SKI: variants seen among roughly 807,000 people sequenced by gnomAD.
SKI encodes ski oncogene.
SKI carries 23 observed loss-of-function variants against 59.3 expected under a neutral mutation model. That is an observed-to-expected ratio of 0.39 (90% CI 0.28 to 0.55). SKI has a LOEUF of 0.55. Ranked by LOEUF, SKI falls within the 20% of genes least tolerant of loss-of-function variation. The pLI is 0.67. For synonymous variants in SKI, 673 were observed against 488.6 expected (o/e 1.38, Z -4.98); for missense variants, 1,017 against 1,038.9 (o/e 0.98, Z 0.29).
At chr1:2,248,558 G>T (rs1309166824) in intron 1 of SKI, among the ~76,000 whole-genome samples, 1 of 152,152 alleles carries the variant, frequency 6.6e-6, no homozygotes, top group Non-Finnish European at 1.5e-5. Flanking sequence ...GGCAGTGGCG[G>T]GGCCTGGACA....
At chr1:2,276,228 A>G (rs920077363) in intron 1 of SKI, among the ~76,000 whole-genome samples, 2 of 111,290 alleles carry the variant, frequency 1.8e-5, no homozygotes, top group African/African-American at 7.0e-5. Flanking sequence ...CTGCAGCGCC[A>G]CCTGCCTTTA....
rs1438842119 is a variant in SKI, at chr1:2,228,476, G to A, written c.-291G>A. ...ATGCCCCGCGCCTAGAGCCCGGGGG[G>A]CGCGCGGGGGACGCGCGGGGGGCCC... On this transcript the variant is annotated 5_prime_UTR_variant, in exon 1 of 7. Transcript: ENST00000378536. Among the ~76,000 whole-genome samples, 2 of 142,720 alleles carry A rather than the reference G, an allele frequency of 1.4e-5. No individual in the cohort carries two copies. The highest frequency in any genetic ancestry group is 3.1e-5 in the Non-Finnish European group (2 of 64,476). 93.6% of individuals were successfully genotyped at this position (142,720 alleles called of 152,430 possible). A position where few individuals can be genotyped will look rare whatever the true frequency, so the allele number is the denominator to read the frequency against.
intron 1 of SKI, 79 bp from the exon 2 acceptor site, chr1:2,302,899 C>T: frequency 1.3e-6 from 2 of 1,591,658 alleles, no homozygotes; most frequent in Non-Finnish European, 1.7e-6. Context: ...CTCTGACTGC[C>T]ATGTGCCAGC....
intron 1 of SKI, among the ~76,000 whole-genome samples, chr1:2,264,737 T>C (rs958661718): frequency 1.3e-5 from 2 of 152,086 alleles, no homozygotes; most frequent in African/African-American, 2.4e-5. Flanking sequence ...TGCTGTACTG[T>C]GTTCCTGCAT....
intron 1 of SKI, among the ~76,000 whole-genome samples, chr1:2,278,796 G>A (rs922191677): frequency 6.6e-6 from 1 of 152,062 alleles, no homozygotes; most frequent in Non-Finnish European, 1.5e-5. Flanking sequence ...CAGTCCCTGG[G>A]CAGGCAGCAC....
At chr1:2,271,251 G>A (rs1262534400) in intron 1 of SKI, among the ~76,000 whole-genome samples, 1 of 152,126 alleles carries the variant, frequency 6.6e-6, no homozygotes, top group African/African-American at 2.4e-5. Context: ...TGGCTCCAGG[G>A]GCTTTTGTTC....
chr1:2,297,773 C>T (rs977610843), intron 1 of SKI, among the ~76,000 whole-genome samples: 17 of 152,274 alleles, frequency 1.1e-4, no homozygotes, highest in African/African-American at 3.1e-4. Flanking sequence ...TGCCTGGTTG[C>T]GGATGCTGCA....
chr1:2,252,090 A>AC lies in SKI; in HGVS notation c.969+22361dup, dbSNP rs561809050. Among the ~76,000 whole-genome samples, 841 of 151,770 alleles carry AC rather than the reference A, an allele frequency of 5.5e-3. 2 individuals carry two copies. The highest frequency in any genetic ancestry group is 0.01 in the Middle Eastern group (3 of 294). On this transcript the variant is annotated intron_variant, in intron 1 of 6. Transcript: ENST00000378536. ...GGGGTTTCCTGCCAGGTCTCTGTGC[A>AC]CCCCCCGGTGAGAGATCTGAGGAGG... is the stretch of plus-strand genomic sequence containing the variant.
intron 1 of SKI, among the ~76,000 whole-genome samples, chr1:2,289,645 G>A (rs1046862161): frequency 2.6e-5 from 4 of 151,706 alleles, no homozygotes; most frequent in Non-Finnish European, 4.4e-5. Flanking sequence ...AGCACAGGTC[G>A]TGCTCCCGGG....
At position 2,229,007 on chromosome 1, in the gene SKI, C is replaced by G. The variant is rs778291636; in HGVS notation, c.241C>G (p.Pro81Ala). The change falls in exon 1 of 7, where the codon CCG becomes GCG. Residue 81 changes from proline (P) to alanine (A), a missense_variant. By Grantham distance (27) the Pro-to-Ala change is conservative. Transcript: ENST00000378536. The surrounding 1 kb of genome is among the most constrained non-coding windows in gnomAD (Gnocchi z 6.3). ...PPVLHLPAIQ[P>A]PPPVLPGPFF... The stretch of plus-strand genomic sequence containing the variant: ...CGTGCTGCACCTGCCCGCCATCCAG[C>G]CGCCGCCGCCCGTGCTGCCCGGGCC... 7.6e-6 allele frequency: 12 copies of G among 1,570,524 alleles called. 1 individual carries two copies. The highest frequency in any genetic ancestry group is 1.8e-4 in the Middle Eastern group (1 of 5,528).
rs187472970 is a variant in SKI, at chr1:2,271,277, C to T, written c.970-31701C>T. ...GCTTTTGTTCACTGAAGAACACTTG[C>T]TGTCCTCCCCTCAGAAGAGTCTGCT... On this transcript the variant is annotated intron_variant, in intron 1 of 6. Coordinates refer to ENST00000378536, the MANE Select transcript of SKI (RefSeq NM_003036.4). Among the ~76,000 whole-genome samples, 79 of 152,238 alleles carry T rather than the reference C, an allele frequency of 5.2e-4. No individual in the cohort carries two copies. In the Middle Eastern group the frequency reaches 0.01, roughly 20 times the overall value.
chr1:2,291,622 C>T (rs1450643122), intron 1 of SKI, among the ~76,000 whole-genome samples: 1 of 109,358 alleles, frequency 9.1e-6, no homozygotes, highest in African/African-American at 3.0e-5. Flanking sequence ...CCCTCAGTCT[C>T]TGCAGCCCCC....
chr1:2,274,012 G>A (rs966514639), intron 1 of SKI, among the ~76,000 whole-genome samples: 6 of 151,986 alleles, frequency 3.9e-5, no homozygotes, highest in South Asian at 2.1e-4. Context: ...CATGCTGAGC[G>A]CCCATGCGTG....
At chr1:2,230,482 G>A (rs1638610419) in intron 1 of SKI, among the ~76,000 whole-genome samples, 1 of 152,196 alleles carries the variant, frequency 6.6e-6, no homozygotes, top group Non-Finnish European at 1.5e-5. Context: ...TCCTGGGCCC[G>A]CGTGCTGGAG....
At chr1:2,279,664 C>G (rs936978997) in intron 1 of SKI, among the ~76,000 whole-genome samples, 1 of 151,988 alleles carries the variant, frequency 6.6e-6, no homozygotes, top group Non-Finnish European at 1.5e-5. Context: ...CTCCTGCCCA[C>G]CCAGGCACTG....
chr1:2,292,050 G>A lies in SKI; in HGVS notation c.970-10928G>A, dbSNP rs572281299. Among the ~76,000 whole-genome samples, 134 of 152,324 alleles carry A rather than the reference G, an allele frequency of 8.8e-4. 3 individuals carry two copies. The South Asian group carries it at 0.026, about 30-fold the overall frequency. ...AAATAGCTTTATAATTTCTTGAACC[G>A]TGAAATCTTCAGAGAAGGCCCATAG... On this transcript the variant is annotated intron_variant, in intron 1 of 6. Transcript: ENST00000378536.
At chr1:2,274,763 G>A (rs1335432779) in intron 1 of SKI, among the ~76,000 whole-genome samples, 2 of 152,208 alleles carry the variant, frequency 1.3e-5, no homozygotes, top group Non-Finnish European at 2.9e-5. Flanking sequence ...AATAGCAGCC[G>A]TGATGGGGGG....
chr1:2,283,132 T>G (rs577090043), intron 1 of SKI, among the ~76,000 whole-genome samples: 1 of 152,298 alleles, frequency 6.6e-6, no homozygotes, highest in Non-Finnish European at 1.5e-5. Context: ...CCAACCGCCT[T>G]TGTCGGGGAT....
intron 6 of SKI, 98 bp downstream of exon 6, chr1:2,306,348 A>C: frequency 8.2e-7 from 1 of 1,218,822 alleles, no homozygotes; most frequent in Non-Finnish European, 1.1e-6. Context: ...GCCTTGGAGC[A>C]GAAGCCAGGC....
Sources: gnomAD v4.1 joint callset for allele counts (sites outside exome capture counted in the v4.1 genomes callset) on GRCh38, gnomAD v4.1.1 for gene constraint, Gnocchi (gnomAD v3.1) non-coding constraint, MANE v1.5 for transcripts, NCBI Gene and HGNC (gene_info 2026-07-23, HGNC 2026-07-21) for gene names.